WDFY2: variants seen among roughly 807,000 people sequenced by gnomAD.
The protein encoded by WDFY2 is WD repeat and FYVE domain containing 2, also known as WD repeat and FYVE domain-containing protein 2.
Under a neutral mutation model 56.4 loss-of-function variants are expected in WDFY2, and 36 were observed. The observed-to-expected ratio is 0.64, with a 90% CI of 0.49 to 0.84. WDFY2 has a LOEUF of 0.84. WDFY2 is among the 40% of genes least tolerant of loss of function. The probability of loss-of-function intolerance (pLI) is 0.00; values close to 1 mark genes in which losing one functional copy is unlikely to be tolerated. For missense variants in WDFY2, 444 were observed against 512.2 expected (o/e 0.87, Z 1.29); for synonymous variants, 176 against 183.7 (o/e 0.96, Z 0.34).
chr13:51,710,581 T>A (rs1952190120), intron 4 of WDFY2, among the ~76,000 whole-genome samples: 2 of 152,152 alleles, frequency 1.3e-5, no homozygotes, highest in African/African-American at 4.8e-5. Context: ...ATAAGCAACT[T>A]CAGCAAAGTC....
intron 3 of WDFY2, among the ~76,000 whole-genome samples, chr13:51,689,419 C>T (rs1779788171): frequency 6.6e-6 from 1 of 152,058 alleles, no homozygotes; most frequent in Admixed American, 6.6e-5. Flanking sequence ...ATTTGTAAAC[C>T]TGAATTTGTC....
At chr13:51,712,010 A>G (rs1952230076) in intron 4 of WDFY2, among the ~76,000 whole-genome samples, 1 of 152,234 alleles carries the variant, frequency 6.6e-6, no homozygotes, top group Non-Finnish European at 1.5e-5. Flanking sequence ...TTGTGGCACT[A>G]TTCACAATAG....
chr13:51,753,170 C>G (rs1435017587), intron 8 of WDFY2: 1 of 152,206 alleles, frequency 6.6e-6, no homozygotes, highest in Non-Finnish European at 1.5e-5. Context: ...GTGCTCTGAG[C>G]AGGAGCACAT....
rs866269597 is a variant in WDFY2 at position 51,763,997 on chromosome 13, G to A, written c.*4228G>A. 6.6e-6 allele frequency: 1 copy of A among 152,100 alleles called. No homozygotes were observed. Among genetic ancestry groups the A allele is most frequent in the Admixed American group, 6.5e-5 (1 of 15,276 alleles). 9.4% of individuals were successfully genotyped at this position (152,100 alleles called of 1,614,324 possible). ...GTGTTCTTGTTCACTAAGATATTTCGAAGTGAGAGAAAGCATTTTACCAAT... is the reference window on the plus strand; with the variant it reads ...GTGTTCTTGTTCACTAAGATATTTCAAAGTGAGAGAAAGCATTTTACCAAT... On this transcript the variant is annotated 3_prime_UTR_variant, in exon 12 of 12. Transcript: ENST00000298125.
chr13:51,600,476 G>C (rs545786920), intron 1 of WDFY2, among the ~76,000 whole-genome samples: 2 of 152,296 alleles, frequency 1.3e-5, no homozygotes, highest in East Asian at 3.9e-4. Flanking sequence ...GGCTTCCTCT[G>C]TTTCTTTCTT....
intron 1 of WDFY2, among the ~76,000 whole-genome samples, chr13:51,604,132 C>T (rs140170998): frequency 1.3e-5 from 2 of 152,260 alleles, no homozygotes; most frequent in Non-Finnish European, 2.9e-5. Flanking sequence ...TTAAACTCTA[C>T]AGGACCAAGC....
chr13:51,626,023 G>C (rs1409468095), intron 1 of WDFY2, among the ~76,000 whole-genome samples: 2 of 152,210 alleles, frequency 1.3e-5, no homozygotes, highest in African/African-American at 4.8e-5. Flanking sequence ...GCCAAGCATG[G>C]CCTGCTGGCT....
intron 9 of WDFY2, among the ~76,000 whole-genome samples, chr13:51,755,805 C>G (rs75516079): frequency 0.01 from 1,574 of 152,074 alleles, 14 homozygotes; most frequent in Non-Finnish European, 0.016. Context: ...ATTTTACTTT[C>G]CCTCCTTCTG....
intron 5 of WDFY2, among the ~76,000 whole-genome samples, chr13:51,724,167 G>A (rs770651637): frequency 3.5e-4 from 49 of 139,436 alleles, no homozygotes; most frequent in Admixed American, 1.2e-3. Flanking sequence ...TTTATTTTAT[G>A]TTCAAATTAT....
At chr13:51,627,712 G>A (rs1294259476) in intron 1 of WDFY2, among the ~76,000 whole-genome samples, 2 of 152,104 alleles carry the variant, frequency 1.3e-5, no homozygotes, top group Admixed American at 6.6e-5. Flanking sequence ...CCATGTCCAG[G>A]AAGAATGAGG....
intron 2 of WDFY2, among the ~76,000 whole-genome samples, chr13:51,666,904 C>T (rs1166506490): frequency 6.6e-6 from 1 of 152,118 alleles, no homozygotes; most frequent in Non-Finnish European, 1.5e-5. Context: ...ACATTAAATT[C>T]AACTTCCAAA....
chr13:51,647,074 A>C (rs527590648), intron 1 of WDFY2, among the ~76,000 whole-genome samples: 2 of 152,290 alleles, frequency 1.3e-5, no homozygotes, highest in East Asian at 1.9e-4. Context: ...AGTAATTTAG[A>C]GATTAAAGCC....
At chr13:51,758,331 A>G (rs1351985204) in intron 11 of WDFY2, 31 bp downstream of exon 11, 4 of 1,503,892 alleles carry the variant, frequency 2.7e-6, no homozygotes, top group African/African-American at 1.4e-5. Flanking sequence ...GAAGCTTTCC[A>G]TCTTTGGCCT....
At chr13:51,613,073 C>T (rs985526025) in intron 1 of WDFY2, among the ~76,000 whole-genome samples, 2 of 151,930 alleles carry the variant, frequency 1.3e-5, no homozygotes, top group African/African-American at 4.8e-5. Context: ...TGGTGCATGC[C>T]TGTAGTCCCA....
intron 1 of WDFY2, among the ~76,000 whole-genome samples, chr13:51,628,642 GT>G (rs934277504): frequency 6.6e-6 from 1 of 152,230 alleles, no homozygotes; most frequent in Non-Finnish European, 1.5e-5. Context: ...CCTCTTCCGA[GT>G]GGTCCCTCCA....
intron 2 of WDFY2, among the ~76,000 whole-genome samples, chr13:51,668,660 T>G (rs1269936421): frequency 6.6e-6 from 1 of 152,252 alleles, no homozygotes; most frequent in Non-Finnish European, 1.5e-5. Context: ...ACCCTCTTAT[T>G]GTGAAATCTT....
At chr13:51,697,596 A>G (rs1261969411) in intron 3 of WDFY2, among the ~76,000 whole-genome samples, 2 of 151,508 alleles carry the variant, frequency 1.3e-5, no homozygotes, top group Admixed American at 1.3e-4. Context: ...TCATGCCACT[A>G]CACTCCAGCC....
chr13:51,752,184 T>C (rs938237931), intron 8 of WDFY2, among the ~76,000 whole-genome samples: 2 of 152,242 alleles, frequency 1.3e-5, no homozygotes, highest in Admixed American at 1.3e-4. Flanking sequence ...CCCAGTCTCA[T>C]TTCAAGAGAG....
At chr13:51,674,616 C>G (rs1220280833) in intron 2 of WDFY2, among the ~76,000 whole-genome samples, 1 of 152,130 alleles carries the variant, frequency 6.6e-6, no homozygotes, top group Non-Finnish European at 1.5e-5. Context: ...TTTCAATCAG[C>G]AGACTCCAGC....
Sources: allele counts gnomAD v4.1 joint callset (sites outside exome capture counted in the v4.1 genomes callset), GRCh38; gene constraint gnomAD v4.1.1; transcripts MANE v1.5; gene names NCBI Gene and HGNC (gene_info 2026-07-23, HGNC 2026-07-21).